LINGO1: variants seen among roughly 807,000 people sequenced by gnomAD.
The protein encoded by LINGO1 is leucine rich repeat and Ig domain containing 1, also known as leucine-rich repeat and immunoglobulin-like domain-containing nogo receptor-interacting protein 1.
In LINGO1, 11 loss-of-function variants were observed where a neutral mutation model predicts 37.3. The observed-to-expected ratio is 0.29, with a 90% CI of 0.19 to 0.49. The LOEUF (loss-of-function observed/expected upper bound fraction) is 0.49. LINGO1 is among the 20% of genes least tolerant of loss of function. LINGO1 has a pLI of 0.99. For synonymous variants in LINGO1, 387 were observed against 403.0 expected (o/e 0.96, Z 0.48); for missense variants, 585 against 878.2 (o/e 0.67, Z 4.22).
At chr15:77,759,508 G>T (rs1596197572) in intron 1 of LINGO1, among the ~76,000 whole-genome samples, 1 of 152,208 alleles carries the variant, frequency 6.6e-6, no homozygotes, top group Non-Finnish European at 1.5e-5. Context: ...GACATCACAG[G>T]GTGGCTGTCA....
intron 1 of LINGO1, among the ~76,000 whole-genome samples, chr15:77,692,725 AG>A (rs1416685707): frequency 6.6e-6 from 1 of 152,182 alleles, no homozygotes; most frequent in Non-Finnish European, 1.5e-5. Context: ...AGCCCTGGGC[AG>A]AGGTAAACTT....
intron 1 of LINGO1, among the ~76,000 whole-genome samples, chr15:77,741,648 A>T (rs1391415311): frequency 1.3e-5 from 2 of 152,046 alleles, no homozygotes; most frequent in Non-Finnish European, 2.9e-5. Flanking sequence ...AAAAAACAAA[A>T]CCGCTTGACC....
chr15:77,617,558 C>A (rs1260819778), intron 1 of LINGO1, among the ~76,000 whole-genome samples: 1 of 152,178 alleles, frequency 6.6e-6, no homozygotes, highest in African/African-American at 2.4e-5. Flanking sequence ...GGATGTCCCA[C>A]CTCTCCACCC....
In LINGO1 at chr15:77,721,197, T is replaced by A. The variant is rs2076046242; in HGVS notation, c.-195+13795A>T. Among the ~76,000 whole-genome samples, 7 of 152,054 alleles carry A rather than the reference T, an allele frequency of 4.6e-5. No homozygotes were observed. The South Asian group carries it at 1.5e-3, about 32-fold the overall frequency. On this transcript the variant is annotated intron_variant, in intron 2 of 3. Coordinates refer to the LINGO1 transcript ENST00000561686. The stretch of plus-strand genomic sequence containing the variant: ...CTCCCGCCCCAGTCACCCCGCTTCA[T>A]GGCCCTCGTGAGACCCGGCCCTAAC...
At position 77,760,726 on chromosome 15, in the gene LINGO1, C is replaced by T. The variant is rs535725189; in HGVS notation, c.-256-25673G>A. Among the ~76,000 whole-genome samples, 58 of 152,198 alleles carry T rather than the reference C, an allele frequency of 3.8e-4. 1 individual carries two copies. Among genetic ancestry groups the T allele is most frequent in the African/African-American group, 1.4e-3 (57 of 41,504 alleles). On this transcript the variant is annotated intron_variant, in intron 1 of 3. Coordinates refer to the LINGO1 transcript ENST00000561686. ...TGAGGTTCCAAATATCTAAATCTCC[C>T]CCTATGTCCTGCCTGGGGCTGGAGG...
At chr15:77,801,237 A>AAG (rs2076915702) in intron 1 of LINGO1, among the ~76,000 whole-genome samples, 1 of 152,254 alleles carries the variant, frequency 6.6e-6, no homozygotes, top group Non-Finnish European at 1.5e-5. Context: ...CATTGCTGGT[A>AAG]AGACCGAAAA....
chr15:77,747,403 C>T (rs1596184396), intron 1 of LINGO1, among the ~76,000 whole-genome samples: 1 of 152,136 alleles, frequency 6.6e-6, no homozygotes, highest in East Asian at 1.9e-4. Context: ...AGGGACTCTT[C>T]CCTGGGACAA....
At chr15:77,732,144 ACAGAGAAAC>A (rs1418049607) in intron 2 of LINGO1, among the ~76,000 whole-genome samples, 2 of 152,204 alleles carry the variant, frequency 1.3e-5, no homozygotes, top group African/African-American at 4.8e-5. Flanking sequence ...AGACTGAAGC[ACAGAGAAAC>A]CATGAACCCA....
intron 1 of LINGO1, among the ~76,000 whole-genome samples, chr15:77,773,618 C>G (rs890989973): frequency 6.6e-6 from 1 of 152,162 alleles, no homozygotes; most frequent in Non-Finnish European, 1.5e-5. Context: ...CTGGGCACCT[C>G]TCGGCACAAG....
intron 2 of LINGO1, among the ~76,000 whole-genome samples, chr15:77,718,803 C>T (rs2076015314): frequency 6.6e-6 from 1 of 150,890 alleles, no homozygotes; most frequent in Admixed American, 6.6e-5. Context: ...GACACGGGCC[C>T]GAGCCCCCGA....
intron 1 of LINGO1, among the ~76,000 whole-genome samples, chr15:77,630,154 A>T (rs2074210087): frequency 1.3e-5 from 2 of 151,886 alleles, no homozygotes; most frequent in Non-Finnish European, 2.9e-5. Flanking sequence ...CTGACTCTGA[A>T]ACCACCACAC....
intron 1 of LINGO1, among the ~76,000 whole-genome samples, chr15:77,694,070 G>C (rs1031277951): frequency 1.3e-5 from 2 of 152,098 alleles, no homozygotes; most frequent in African/African-American, 4.8e-5. Context: ...GGGACCATGT[G>C]TGTTGGGTGG....
chr15:77,643,839 G>A (rs2074562915), intron 3 of LINGO1, among the ~76,000 whole-genome samples: 1 of 152,218 alleles, frequency 6.6e-6, no homozygotes, highest in Non-Finnish European at 1.5e-5. Context: ...CATGGGAAAG[G>A]GCAGGGGGTG....
intron 1 of LINGO1, among the ~76,000 whole-genome samples, chr15:77,739,286 G>GC (rs2076236746): frequency 6.6e-6 from 1 of 152,188 alleles, no homozygotes; most frequent in East Asian, 1.9e-4. Context: ...CCTTGGAGCT[G>GC]CAAGACCCAG....
chr15:77,759,963 AC>A lies in LINGO1; in HGVS notation c.-256-24911del, dbSNP rs1484803114. Among the ~76,000 whole-genome samples the A allele has an allele frequency of 2.6e-5, 4 of 152,178 alleles. No individual in the cohort carries two copies. In the East Asian group the frequency reaches 7.7e-4, roughly 29 times the overall value. The stretch of plus-strand genomic sequence containing the variant: ...GCTCACCTGGTGCCAGCCAGGGCCC[AC>A]CCCGGAGGGAGGGGATGTGGCCCGG... On this transcript the variant is annotated intron_variant, in intron 1 of 3. Transcript: ENST00000561686.
chr15:77,617,195 C>T (rs780661462), intron 1 of LINGO1, among the ~76,000 whole-genome samples: 2 of 152,150 alleles, frequency 1.3e-5, no homozygotes, highest in East Asian at 1.9e-4. Context: ...CGGGAGCCTC[C>T]GTGACCCTCT....
At chr15:77,682,862 C>T (rs2075441103) in intron 2 of LINGO1, among the ~76,000 whole-genome samples, 1 of 152,124 alleles carries the variant, frequency 6.6e-6, no homozygotes, top group Non-Finnish European at 1.5e-5. Flanking sequence ...CTCCGAAGCC[C>T]TGAGGAGCAG....
intron 3 of LINGO1, among the ~76,000 whole-genome samples, chr15:77,655,274 G>A (rs1005842874): frequency 1.3e-5 from 2 of 152,190 alleles, no homozygotes; most frequent in Admixed American, 6.5e-5. Context: ...GAGATTCCAC[G>A]GGGCCAGTTC....
Position 77,632,202 on chromosome 15 carries a change from G to T in LINGO1, c.6+108C>A. 8.7e-7 allele frequency: 1 copy of T among 1,152,792 alleles called. No homozygotes were observed. Among genetic ancestry groups the T allele is most frequent in the South Asian group, 3.0e-5 (1 of 33,250 alleles). 71.4% of individuals were successfully genotyped at this position (1,152,792 alleles called of 1,614,324 possible). The stretch of plus-strand genomic sequence containing the variant: ...CCCCAAAGGAGGTCTGGGTGGCACC[G>T]AGGTGCCCTGCAACCCCAGGAGGGC... On this transcript the variant is annotated intron_variant, in intron 1 of 1. Coordinates refer to ENST00000355300, the MANE Select transcript of LINGO1 (RefSeq NM_032808.7). This position sits in a 1 kb window ranked among gnomAD's most constrained non-coding sequence, Gnocchi z 6.0.
Sources: allele counts gnomAD v4.1 joint callset (sites outside exome capture counted in the v4.1 genomes callset), GRCh38; gene constraint gnomAD v4.1.1; non-coding constraint Gnocchi (gnomAD v3.1); transcripts MANE v1.5; gene names NCBI Gene and HGNC (gene_info 2026-07-23, HGNC 2026-07-21).